The following PHF2 variants were observed in gnomAD, a reference collection of about 807,000 sequenced individuals.
The protein encoded by PHF2 is PHD finger protein 2, also known as lysine-specific demethylase PHF2.
Under a neutral mutation model 120.5 loss-of-function variants are expected in PHF2, and 27 were observed. The observed-to-expected ratio is 0.22, with a 90% CI of 0.17 to 0.31. The LOEUF (loss-of-function observed/expected upper bound fraction) is 0.31, where lower values mean the gene tolerates loss of function less well. Among genes scored for constraint, PHF2 ranks in the 10% least tolerant of loss-of-function variants. The probability of loss-of-function intolerance (pLI) is 1.00; values close to 1 mark genes in which losing one functional copy is unlikely to be tolerated. For missense variants in PHF2, 1,024 were observed against 1,434.8 expected (o/e 0.71, Z 4.63); for synonymous variants, 568 against 592.5 (o/e 0.96, Z 0.60).
chr9:93,662,878 C>T (rs781267637), intron 12 of PHF2, 29 bp from the exon 13 acceptor site: 2 of 1,613,076 alleles, frequency 1.2e-6, no homozygotes, highest in Admixed American at 1.7e-5. Context: ...CTATGTCTGC[C>T]TCTGGGTCAC....
chr9:93,652,908 C>T (rs955197649), intron 5 of PHF2, among the ~76,000 whole-genome samples: 95 of 152,326 alleles, frequency 6.2e-4, no homozygotes, highest in African/African-American at 2.3e-3. Context: ...GAGGTTCCCT[C>T]TCAGGGGTAG....
intron 1 of PHF2, among the ~76,000 whole-genome samples, chr9:93,613,305 A>C (rs1416059731): frequency 6.6e-6 from 1 of 152,236 alleles, no homozygotes; most frequent in Non-Finnish European, 1.5e-5. Flanking sequence ...AGATGCCTGC[A>C]GGAAGGCAGC....
intron 1 of PHF2, among the ~76,000 whole-genome samples, chr9:93,613,755 T>C (rs542093682): frequency 2.8e-4 from 42 of 152,132 alleles, no homozygotes; most frequent in Admixed American, 5.9e-4. Flanking sequence ...ATATTTTTTG[T>C]AGAGAGAGTC....
rs778581649 is a variant in PHF2, at chr9:93,676,677, C to G, written c.2916C>G (p.Ile972Met). The change falls in exon 21 of 22, where the codon ATC becomes ATG. Residue 972 changes from isoleucine (I) to methionine (M), a missense_variant. This residue lies in a region of PHF2 where 677 missense variants were observed against 857.4 expected (regional missense o/e 0.79). Coordinates refer to ENST00000359246, the MANE Select transcript of PHF2 (RefSeq NM_005392.4). Reference sequence around the variant, plus strand: ...CCTCCCCTTCCACCTCCACCTCCATCTCTGCCGGCACCACCTCCACCTCCA... The same window carrying G: ...CCTCCCCTTCCACCTCCACCTCCATGTCTGCCGGCACCACCTCCACCTCCA... ...NTTSPSTSTS[I>M]SAGTTSTSTT... 1.3e-6 allele frequency: 2 copies of G among 1,581,942 alleles called. No individual in the cohort carries two copies. The highest frequency in any genetic ancestry group is 4.6e-5 in the East Asian group (2 of 43,400).
chr9:93,670,972 G>A (rs1587720656), intron 17 of PHF2: 1 of 980,316 alleles, frequency 1.0e-6, no homozygotes, highest in East Asian at 1.1e-4. Flanking sequence ...GGACTGAGCT[G>A]AGGTGCAGCT....
At chr9:93,632,433 C>T (rs771400168) in intron 2 of PHF2, among the ~76,000 whole-genome samples, 25 of 152,302 alleles carry the variant, frequency 1.6e-4, no homozygotes, top group Non-Finnish European at 3.2e-4. Context: ...TAACAAAATA[C>T]CACAGACTGG....
intron 1 of PHF2, among the ~76,000 whole-genome samples, chr9:93,579,271 C>T (rs1862891448): frequency 1.3e-5 from 2 of 152,164 alleles, no homozygotes; most frequent in South Asian, 4.1e-4. Flanking sequence ...TGATTTACTT[C>T]CTATTTAACA....
chr9:93,627,775 ATT>A (rs2131647287), intron 1 of PHF2, among the ~76,000 whole-genome samples: 1 of 152,116 alleles, frequency 6.6e-6, no homozygotes, highest in African/African-American at 2.4e-5. Context: ...ATTTTTCATC[ATT>A]GTGTTAATAT....
At chr9:93,671,100 A>G (rs998138589) in intron 17 of PHF2, 99 of 842,172 alleles carry the variant, frequency 1.2e-4, no homozygotes, top group Non-Finnish European at 1.3e-4. Flanking sequence ...GCAGGTGTAG[A>G]CGCAGGTGGG....
At chr9:93,618,334 A>G (rs1253249082) in intron 1 of PHF2, among the ~76,000 whole-genome samples, 1 of 152,230 alleles carries the variant, frequency 6.6e-6, no homozygotes, top group Non-Finnish European at 1.5e-5. Context: ...CCACGCACAC[A>G]TGACACACTC....
chr9:93,626,218 G>A (rs1330224627), intron 1 of PHF2, among the ~76,000 whole-genome samples: 1 of 152,162 alleles, frequency 6.6e-6, no homozygotes, highest in Admixed American at 6.5e-5. Context: ...ATTCCAACCT[G>A]GGTGATGGGA....
At chr9:93,586,515 GC>G (rs1863047729) in intron 1 of PHF2, among the ~76,000 whole-genome samples, 1 of 152,260 alleles carries the variant, frequency 6.6e-6, no homozygotes, top group Non-Finnish European at 1.5e-5. Context: ...CCGGCCAGCA[GC>G]CCCCACTCCT....
intron 1 of PHF2, among the ~76,000 whole-genome samples, chr9:93,587,484 GGAT>G (rs1863072117): frequency 6.7e-6 from 1 of 150,122 alleles, no homozygotes; most frequent in Non-Finnish European, 1.5e-5. Flanking sequence ...CCCGGGTGAG[GGAT>G]GATGGAGGAG....
chr9:93,658,525 G>A (rs1826500971), intron 10 of PHF2, among the ~76,000 whole-genome samples: 2 of 152,190 alleles, frequency 1.3e-5, no homozygotes, highest in African/African-American at 2.4e-5. Flanking sequence ...TCACAAGTTG[G>A]TGGGAGGAGG....
intron 1 of PHF2, among the ~76,000 whole-genome samples, chr9:93,585,320 TC>T (rs1204585993): frequency 6.6e-6 from 1 of 152,200 alleles, no homozygotes; most frequent in African/African-American, 2.4e-5. Context: ...CCATCTCCTT[TC>T]CCTGACCGCC....
At chr9:93,576,896 T>G (rs376714355) in intron 1 of PHF2, 25 bp downstream of exon 1, 3 of 1,092,722 alleles carry the variant, frequency 2.7e-6, no homozygotes, top group Non-Finnish European at 3.5e-6. Flanking sequence ...GCTGCTCGGC[T>G]CGGCCCGGCC....
At chr9:93,672,461 G>C in intron 17 of PHF2, 1 of 981,806 alleles carries the variant, frequency 1.0e-6, no homozygotes, top group Non-Finnish European at 1.2e-6. Context: ...TGTGGGAGTA[G>C]GCACAGGTGT....
At chr9:93,670,096 C>T (rs1189081958) in intron 17 of PHF2, among the ~76,000 whole-genome samples, 1 of 152,248 alleles carries the variant, frequency 6.6e-6, no homozygotes, top group Non-Finnish European at 1.5e-5. Context: ...GCCTCCAGTG[C>T]TTCTGGGAAG....
intron 1 of PHF2, among the ~76,000 whole-genome samples, chr9:93,607,294 C>T (rs1825558468): frequency 6.6e-6 from 1 of 152,050 alleles, no homozygotes; most frequent in South Asian, 2.1e-4. Context: ...TGTTTTGAGA[C>T]AGGGTCTCAC....
Sources: allele counts gnomAD v4.1 joint callset (sites outside exome capture counted in the v4.1 genomes callset), GRCh38; gene constraint gnomAD v4.1.1; regional missense constraint gnomAD v4.1.1; transcripts MANE v1.5; gene names NCBI Gene and HGNC (gene_info 2026-07-23, HGNC 2026-07-21).